Variants in FGF12 observed in about 807,000 individuals in gnomAD.
FGF12 encodes the protein fibroblast growth factor 12.
A neutral mutation model predicts 23.6 loss-of-function variants in FGF12; 14 were observed. The ratio of observed to expected loss-of-function variants is 0.59; its 90% CI spans 0.39 to 0.93. The LOEUF is 0.93. Ranked by LOEUF, FGF12 falls within the 40% of genes least tolerant of loss-of-function variation. FGF12 has a pLI of 0.00. For synonymous variants in FGF12, 62 were observed against 77.3 expected (o/e 0.80, Z 1.04); for missense variants, 175 against 217.8 (o/e 0.80, Z 1.24).
intron 3 of FGF12, among the ~76,000 whole-genome samples, chr3:192,358,716 T>C (rs1331738880): frequency 1.3e-5 from 2 of 152,212 alleles, no homozygotes. Flanking sequence ...ATGATAAATG[T>C]CATGCATTTG....
At chr3:192,146,294 G>A (rs186793287) in intron 5 of FGF12, among the ~76,000 whole-genome samples, 6 of 125,378 alleles carry the variant, frequency 4.8e-5, no homozygotes, top group African/African-American at 1.6e-4. Flanking sequence ...TTTTTGAGAC[G>A]GAGTCTCGCT....
intron 2 of FGF12, among the ~76,000 whole-genome samples, chr3:192,550,477 C>T (rs1725606329): frequency 6.6e-6 from 1 of 150,584 alleles, no homozygotes; most frequent in African/African-American, 2.4e-5. Context: ...ATATACAACA[C>T]CTATTGAAGA....
chr3:192,550,008 C>T (rs576099244), intron 2 of FGF12, among the ~76,000 whole-genome samples: 1 of 152,000 alleles, frequency 6.6e-6, no homozygotes, highest in South Asian at 2.1e-4. Flanking sequence ...AATCTCCTCC[C>T]TCTGTCTCTC....
chr3:192,584,620 C>T (rs1303565330), intron 2 of FGF12, among the ~76,000 whole-genome samples: 1 of 152,068 alleles, frequency 6.6e-6, no homozygotes. Context: ...TTTATTTATC[C>T]TTCATCCCTG....
chr3:192,517,067 G>C (rs1288187051), intron 2 of FGF12: 1 of 152,222 alleles, frequency 6.6e-6, no homozygotes, highest in African/African-American at 2.4e-5. Context: ...TACTTTGAGG[G>C]AAGTGCTACT....
chr3:192,270,567 T>C (rs1161626159), intron 4 of FGF12, among the ~76,000 whole-genome samples: 1 of 152,096 alleles, frequency 6.6e-6, no homozygotes, highest in Non-Finnish European at 1.5e-5. Context: ...ACAAACTAAT[T>C]CTGGATGAGC....
At position 192,576,261 on chromosome 3, in the gene FGF12, A is replaced by G. The variant is rs536742880; in HGVS notation, c.13+150920T>C. On this transcript the variant is annotated intron_variant, in intron 2 of 5. Coordinates refer to ENST00000445105, the MANE Select transcript of FGF12 (RefSeq NM_004113.6). ...ACTTTATAATATGTAAAACAATTTC[A>G]TATTCACCATATGATTTCATCCGCA... Among the ~76,000 whole-genome samples the G allele has an allele frequency of 2.5e-4, 38 of 152,364 alleles. No individual in the cohort carries two copies. In the South Asian group the frequency reaches 6.6e-3, roughly 27 times the overall value.
At chr3:192,475,615 A>G (rs1303257120) in intron 2 of FGF12, among the ~76,000 whole-genome samples, 1 of 152,248 alleles carries the variant, frequency 6.6e-6, no homozygotes, top group African/African-American at 2.4e-5. Flanking sequence ...AAACAGAAAA[A>G]GCCAGAGTGC....
rs918274335 is a variant in FGF12, at chr3:192,439,857, A to G, written c.14-79319T>C. Among the ~76,000 whole-genome samples the G allele has an allele frequency of 5.3e-5, 8 of 151,946 alleles. No individual in the cohort carries two copies. The South Asian group carries it at 6.2e-4, about 12-fold the overall frequency. On this transcript the variant is annotated intron_variant, in intron 2 of 5. Transcript: ENST00000445105. ...CCGGGTGTGGTGGTGGGCGCCTGTA[A>G]TCCCAGCTACTTGGGAGGCTGAGGC... is the stretch of plus-strand genomic sequence containing the variant.
intron 2 of FGF12, among the ~76,000 whole-genome samples, chr3:192,556,754 C>T (rs78395845): frequency 4.6e-5 from 7 of 152,166 alleles, no homozygotes; most frequent in South Asian, 4.1e-4. Flanking sequence ...GGATAGATCA[C>T]GTGTTGGGTC....
At chr3:192,407,895 A>G (rs1576958348) in intron 2 of FGF12, 1 of 1,034,834 alleles carries the variant, frequency 9.7e-7, no homozygotes, top group Non-Finnish European at 1.4e-6. Flanking sequence ...AGAAGTCTGG[A>G]AATGAGAGAA....
At chr3:192,501,763 G>A (rs1406921857) in intron 2 of FGF12, among the ~76,000 whole-genome samples, 2 of 152,184 alleles carry the variant, frequency 1.3e-5, no homozygotes, top group Non-Finnish European at 2.9e-5. Context: ...CAATGACAAT[G>A]CTGATTAAGA....
intron 2 of FGF12, among the ~76,000 whole-genome samples, chr3:192,539,808 C>T (rs996404846): frequency 6.6e-6 from 1 of 151,846 alleles, no homozygotes; most frequent in Non-Finnish European, 1.5e-5. Flanking sequence ...TGACTTACTA[C>T]TGCTTTGATC....
chr3:192,484,994 A>C (rs1388784494), intron 2 of FGF12, among the ~76,000 whole-genome samples: 1 of 150,562 alleles, frequency 6.6e-6, no homozygotes, highest in Non-Finnish European at 1.5e-5. Flanking sequence ...ATATGTGTAC[A>C]CATAAATTTT....
At chr3:192,397,862 CT>C (rs1269083615) in intron 2 of FGF12, among the ~76,000 whole-genome samples, 1 of 152,210 alleles carries the variant, frequency 6.6e-6, no homozygotes, top group East Asian at 1.9e-4. Context: ...AATGCATTAT[CT>C]GATTCTAGGA....
At chr3:192,709,197 A>G (rs979427192) in intron 2 of FGF12, among the ~76,000 whole-genome samples, 2 of 152,202 alleles carry the variant, frequency 1.3e-5, no homozygotes, top group African/African-American at 4.8e-5. Flanking sequence ...TTGCTGGCTG[A>G]TTTGAAGTTC....
chr3:192,403,263 CA>C (rs1231714505), intron 2 of FGF12, among the ~76,000 whole-genome samples: 1 of 152,180 alleles, frequency 6.6e-6, no homozygotes, highest in African/African-American at 2.4e-5. Flanking sequence ...TCCTCAAATG[CA>C]GAGACTGCCT....
chr3:192,514,831 C>G lies in FGF12; in HGVS notation c.14-154293G>C. On this transcript the variant is annotated intron_variant, in intron 2 of 5. Coordinates refer to ENST00000445105, the MANE Select transcript of FGF12 (RefSeq NM_004113.6). This position sits in a 1 kb window ranked among gnomAD's most constrained non-coding sequence, Gnocchi z 4.9. ...GTAGTCCAACCAACAGGCGGCCTGTCTTCGGAAGCCGGGTCCCGAGTCCAT... is the reference window on the plus strand; with the variant it reads ...GTAGTCCAACCAACAGGCGGCCTGTGTTCGGAAGCCGGGTCCCGAGTCCAT... 1 of 985,360 alleles carries G rather than the reference C, an allele frequency of 1.0e-6. No individual in the cohort carries two copies. Among genetic ancestry groups the G allele is most frequent in the Non-Finnish European group, 1.2e-6 (1 of 829,916 alleles). 61.0% of individuals were successfully genotyped at this position (985,360 alleles called of 1,614,324 possible).
intron 2 of FGF12, among the ~76,000 whole-genome samples, chr3:192,549,722 A>C (rs1269475613): frequency 5.3e-5 from 8 of 152,146 alleles, no homozygotes; most frequent in Non-Finnish European, 1.2e-4. Context: ...TGAATAGACA[A>C]AAAGGCTGAG....
Sources: gnomAD v4.1 joint callset for allele counts (sites outside exome capture counted in the v4.1 genomes callset) on GRCh38, gnomAD v4.1.1 for gene constraint, Gnocchi (gnomAD v3.1) non-coding constraint, MANE v1.5 for transcripts, NCBI Gene and HGNC (gene_info 2026-07-23, HGNC 2026-07-21) for gene names.